The following ACACB variants were observed in gnomAD, a reference collection of about 807,000 sequenced individuals.
ACACB encodes the protein acetyl-CoA carboxylase beta.
In ACACB, 209 loss-of-function variants were observed where a neutral mutation model predicts 278.8. The observed-to-expected ratio is 0.75, with a 90% CI of 0.67 to 0.84. The LOEUF (loss-of-function observed/expected upper bound fraction) is 0.84, where lower values mean the gene tolerates loss of function less well. Among genes scored for constraint, ACACB ranks in the 40% least tolerant of loss-of-function variants. The probability of loss-of-function intolerance (pLI) is 0.00; values close to 1 mark genes in which losing one functional copy is unlikely to be tolerated. For synonymous variants in ACACB, 1,174 were observed against 1,285.6 expected (o/e 0.91, Z 1.86); for missense variants, 2,850 against 3,269.0 (o/e 0.87, Z 3.13).
intron 15 of ACACB, among the ~76,000 whole-genome samples, chr12:109,193,196 T>G (rs143742495): frequency 1.3e-5 from 2 of 148,628 alleles, no homozygotes; most frequent in Non-Finnish European, 3.0e-5. Flanking sequence ...GTTCTGTGCG[T>G]GACTTTTAAT....
chr12:109,197,632 G>A (rs370075551), intron 17 of ACACB, among the ~76,000 whole-genome samples: 4 of 152,230 alleles, frequency 2.6e-5, no homozygotes, highest in African/African-American at 7.2e-5. Context: ...AAAGGGTGTC[G>A]TGTACCTGAC....
intron 19 of ACACB, among the ~76,000 whole-genome samples, chr12:109,202,995 C>T (rs891267449): frequency 1.3e-5 from 2 of 152,200 alleles, no homozygotes; most frequent in Non-Finnish European, 2.9e-5. Context: ...ACTTGACACT[C>T]GTTAAATGGT....
chr12:109,122,647 A>G (rs1032732158), intron 1 of ACACB, among the ~76,000 whole-genome samples: 4 of 150,480 alleles, frequency 2.7e-5, no homozygotes, highest in African/African-American at 4.9e-5. Flanking sequence ...AGTATTAGCT[A>G]TTAATATTCA....
At chr12:109,254,429 G>GT in intron 44 of ACACB, 95 bp downstream of exon 44, 1 of 1,258,960 alleles carries the variant, frequency 7.9e-7, no homozygotes, top group South Asian at 1.5e-5. Flanking sequence ...TTGAGACAAA[G>GT]GCTTGATATT....
intron 44 of ACACB, among the ~76,000 whole-genome samples, chr12:109,254,767 T>A (rs923023609): frequency 2.5e-4 from 38 of 151,470 alleles, no homozygotes; most frequent in African/African-American, 9.0e-4. Flanking sequence ...GGATAGGCAA[T>A]CTGGTCTCCT....
Position 109,188,093 on chromosome 12 carries a change from T to A in ACACB, c.2075T>A (p.Leu692Gln), listed in dbSNP as rs1209175525. 1 of 1,613,560 alleles carries A rather than the reference T, an allele frequency of 6.2e-7. No individual in the cohort carries two copies. ...GYFSVAATGG[L>Q]HEFADSQFGH... ...TTCAGCGTGGCCGCTACTGGAGGCC[T>A]GCACGAGTTTGCGGATTCCCAATTT... The change falls in exon 13 of 53, where the codon CTG becomes CAG. Residue 692 changes from leucine (L) to glutamine (Q), a missense_variant. Coordinates refer to ENST00000338432, the MANE Select transcript of ACACB (RefSeq NM_001093.4).
At chr12:109,242,217 T>C (rs2046818856) in intron 36 of ACACB, 1 of 515,002 alleles carries the variant, frequency 1.9e-6, no homozygotes, top group Non-Finnish European at 3.5e-6. Flanking sequence ...GATCACTGTA[T>C]TTTTGGAACT....
intron 50 of ACACB, 90 bp from the exon 51 acceptor site, chr12:109,265,020 C>A: frequency 7.0e-7 from 1 of 1,419,284 alleles, no homozygotes; most frequent in Non-Finnish European, 9.6e-7. Flanking sequence ...CTGGGCCCAG[C>A]CCCGGGCAGC....
chr12:109,159,041 C>G lies in ACACB; in HGVS notation c.654-7820C>G, dbSNP rs1471312508. Among the ~76,000 whole-genome samples the G allele has an allele frequency of 3.3e-5, 5 of 152,150 alleles. No homozygotes were observed. In the East Asian group the frequency reaches 9.6e-4, roughly 29 times the overall value. On this transcript the variant is annotated intron_variant, in intron 2 of 52. Coordinates refer to ENST00000338432, the MANE Select transcript of ACACB (RefSeq NM_001093.4). ...AACCGCTCTTAGCCTGTGGGAGATA[C>G]AAAAACAGGTGGCCGAGTGGATTTG...
intron 28 of ACACB, among the ~76,000 whole-genome samples, chr12:109,231,527 C>T (rs527521947): frequency 2.0e-5 from 3 of 152,076 alleles, no homozygotes; most frequent in Admixed American, 6.5e-5. Flanking sequence ...GGGCCATGAT[C>T]GTGATTTCAG....
At chr12:109,237,636 A>G (rs1478904646) in intron 34 of ACACB, among the ~76,000 whole-genome samples, 2 of 152,138 alleles carry the variant, frequency 1.3e-5, no homozygotes, top group African/African-American at 2.4e-5. Flanking sequence ...AATTTCCAGG[A>G]TAGAAAAATA....
intron 1 of ACACB, among the ~76,000 whole-genome samples, chr12:109,126,271 C>T (rs892088347): frequency 6.6e-6 from 1 of 152,172 alleles, no homozygotes; most frequent in East Asian, 1.9e-4. Context: ...CTTTAGACTG[C>T]GGAACATGTT....
intron 31 of ACACB, 66 bp downstream of exon 31, chr12:109,234,111 G>C (rs1387652002): frequency 1.5e-6 from 2 of 1,373,524 alleles, no homozygotes; most frequent in Admixed American, 2.0e-5. Flanking sequence ...TGGGCTCGTC[G>C]AGGCGGCCCT....
rs552167251 is a variant in ACACB at position 109,265,257 on chromosome 12, G to T, written c.7090G>T (p.Val2364Leu). ...HIQSMLRRWF[V>L]ETEGAVKAYL... The stretch of plus-strand genomic sequence containing the variant: ...CCAGTCCATGCTGCGTCGCTGGTTC[G>T]TGGAGACGGAGGGGGCTGTCAAGGT... The change falls in exon 51 of 53, where the codon GTG becomes TTG. Residue 2364 changes from valine (V) to leucine (L), a missense_variant. Val to Leu is a conservative substitution (Grantham distance 32, BLOSUM62 1). This residue lies in a region of ACACB where 579 missense variants were observed against 684.6 expected (regional missense o/e 0.85). Transcript: ENST00000338432. The T allele has an allele frequency of 6.2e-7, 1 of 1,613,182 alleles. No homozygotes were observed. Among genetic ancestry groups the T allele is most frequent in the South Asian group, 1.1e-5 (1 of 91,070 alleles).
chr12:109,234,052 T>C lies in ACACB; in HGVS notation c.4347+7T>C. ...GACATTCGTACAGTCCAAGGTACTCTGGGCGTGCCTCTGGTTTTGGTGGGG... is the reference window on the plus strand; with the variant it reads ...GACATTCGTACAGTCCAAGGTACTCCGGGCGTGCCTCTGGTTTTGGTGGGG... On this transcript the variant is annotated splice_region_variant and intron_variant, in intron 31 of 52. Coordinates refer to ENST00000338432, the MANE Select transcript of ACACB (RefSeq NM_001093.4). 1 of 1,595,696 alleles carries C rather than the reference T, an allele frequency of 6.3e-7. No individual in the cohort carries two copies. The highest frequency in any genetic ancestry group is 1.1e-5 in the South Asian group (1 of 89,134).
At chr12:109,221,563 T>G (rs1593615851) in intron 24 of ACACB, among the ~76,000 whole-genome samples, 1 of 152,274 alleles carries the variant, frequency 6.6e-6, no homozygotes, top group East Asian at 1.9e-4. Flanking sequence ...TCCCTCCCTC[T>G]CCTGCAAGAT....
At chr12:109,188,530 T>C (rs2044753788) in intron 13 of ACACB, among the ~76,000 whole-genome samples, 2 of 149,124 alleles carry the variant, frequency 1.3e-5, no homozygotes, top group South Asian at 4.5e-4. Flanking sequence ...CTTTCCTTCC[T>C]TCCTTCTTTC....
upstream of ACACB, among the ~76,000 whole-genome samples, chr12:109,114,128 C>T (rs754544726): frequency 3.3e-5 from 5 of 152,148 alleles, no homozygotes; most frequent in Non-Finnish European, 4.4e-5. Flanking sequence ...CACTGGTATG[C>T]ACCACCATAC....
At chr12:109,114,219 T>C (rs2042360816), upstream of ACACB, among the ~76,000 whole-genome samples, 2 of 152,178 alleles carry the variant, frequency 1.3e-5, no homozygotes, top group African/African-American at 4.8e-5. Flanking sequence ...TGAAATATGC[T>C]TGGAAATATA....
Sources: allele counts gnomAD v4.1 joint callset (sites outside exome capture counted in the v4.1 genomes callset), GRCh38; gene constraint gnomAD v4.1.1; regional missense constraint gnomAD v4.1.1; transcripts MANE v1.5; gene names NCBI Gene and HGNC (gene_info 2026-07-23, HGNC 2026-07-21).